The following TAFA2 variants were observed in gnomAD, a reference collection of about 807,000 sequenced individuals.
TAFA2 encodes TAFA chemokine like family member 2.
A neutral mutation model predicts 18.8 loss-of-function variants in TAFA2; 7 were observed. That is an observed-to-expected ratio of 0.37 (90% CI 0.21 to 0.70). TAFA2 has a LOEUF of 0.70. Ranked by LOEUF, TAFA2 falls within the 30% of genes least tolerant of loss-of-function variation. The probability of loss-of-function intolerance (pLI) is 0.53; values close to 1 mark genes in which losing one functional copy is unlikely to be tolerated. For synonymous variants in TAFA2, 60 were observed against 54.2 expected, an observed-to-expected ratio of 1.11 and a Z score of -0.47; for missense variants, 122 against 158.1, an observed-to-expected ratio of 0.77 and a Z score of 1.23.
chr12:61,722,330 C>A (rs968893564), intron 4 of TAFA2, among the ~76,000 whole-genome samples: 2 of 152,128 alleles, frequency 1.3e-5, no homozygotes, highest in African/African-American at 4.8e-5. Context: ...CTTATCACTG[C>A]TAATCCTGGC....
At position 62,084,107 on chromosome 12, in the gene TAFA2, A is replaced by C. The variant is rs12099873; in HGVS notation, c.-2+107152T>G. The stretch of plus-strand genomic sequence containing the variant: ...CCAACCTTTCATCAAAATCTGTAAT[A>C]GGTAAGCAAAGAGAAACAAAATCAT... On this transcript the variant is annotated intron_variant, in intron 1 of 4. Transcript: ENST00000416284. Among the ~76,000 whole-genome samples, 787 of 152,334 alleles carry C rather than the reference A, an allele frequency of 5.2e-3. 8 individuals are homozygous for C. Among genetic ancestry groups the C allele is most frequent in the African/African-American group, 0.016 (680 of 41,576 alleles).
intron 1 of TAFA2, among the ~76,000 whole-genome samples, chr12:62,024,344 T>C (rs536033119): frequency 6.6e-6 from 1 of 152,186 alleles, no homozygotes; most frequent in Admixed American, 6.5e-5. Context: ...GATAGAGATA[T>C]AGGTCCTATT....
At chr12:61,883,495 C>G (rs1465156135) in intron 1 of TAFA2, among the ~76,000 whole-genome samples, 2 of 152,158 alleles carry the variant, frequency 1.3e-5, no homozygotes, top group Non-Finnish European at 2.9e-5. Context: ...TGCAAGGCCC[C>G]ACAGTGGACA....
intron 4 of TAFA2, among the ~76,000 whole-genome samples, chr12:61,752,160 T>C (rs1024392961): frequency 6.6e-6 from 1 of 151,996 alleles, no homozygotes; most frequent in East Asian, 1.9e-4. Context: ...AAGGAGATAA[T>C]AACACTATCT....
At chr12:61,753,558 G>C in intron 4 of TAFA2, 64 bp downstream of exon 4, 1 of 1,482,500 alleles carries the variant, frequency 6.7e-7, no homozygotes, top group Non-Finnish European at 9.2e-7. Flanking sequence ...ATTGGTTACT[G>C]CACAAGCTCC....
chr12:61,748,583 C>T (rs1332343947), intron 4 of TAFA2, among the ~76,000 whole-genome samples: 1 of 152,046 alleles, frequency 6.6e-6, no homozygotes, highest in Non-Finnish European at 1.5e-5. Flanking sequence ...AATTAGCACC[C>T]CTGGACACTG....
At chr12:62,176,579 G>A (rs895276095) in intron 1 of TAFA2, among the ~76,000 whole-genome samples, 9 of 152,044 alleles carry the variant, frequency 5.9e-5, no homozygotes, top group Non-Finnish European at 1.2e-4. Flanking sequence ...ATAAATATTT[G>A]AGTACATAAC....
chr12:61,924,169 G>T (rs1268839814), intron 1 of TAFA2, among the ~76,000 whole-genome samples: 1 of 152,138 alleles, frequency 6.6e-6, no homozygotes, highest in Admixed American at 6.5e-5. Context: ...CGCACTTCAA[G>T]ATATTATCCA....
intron 2 of TAFA2, among the ~76,000 whole-genome samples, chr12:61,806,875 C>T (rs1262466234): frequency 1.3e-5 from 2 of 152,150 alleles, no homozygotes; most frequent in African/African-American, 4.8e-5. Flanking sequence ...GAAGAAAATG[C>T]TAAGCAGCAA....
chr12:62,210,498 T>C (rs888095610), intron 1 of TAFA2, among the ~76,000 whole-genome samples: 4 of 152,182 alleles, frequency 2.6e-5, no homozygotes, highest in Non-Finnish European at 5.9e-5. Flanking sequence ...TCAAATTCCT[T>C]ATGCGCTTTG....
chr12:62,164,002 T>C (rs2062423224), intron 1 of TAFA2, among the ~76,000 whole-genome samples: 1 of 152,120 alleles, frequency 6.6e-6, no homozygotes, highest in African/African-American at 2.4e-5. Flanking sequence ...TAATCATAGC[T>C]GAGATATAAT....
chr12:61,848,936 G>A (rs1473825900), intron 2 of TAFA2, among the ~76,000 whole-genome samples: 3 of 151,642 alleles, frequency 2.0e-5, no homozygotes, highest in Non-Finnish European at 4.4e-5. Context: ...CCACCTAGCA[G>A]GTTCAAGCAA....
intron 2 of TAFA2, 77 bp downstream of exon 2, chr12:61,867,243 G>A (rs1874392942): frequency 5.4e-6 from 5 of 929,470 alleles, no homozygotes; most frequent in East Asian, 2.4e-5. Context: ...ACAGACCAGT[G>A]GAGGCAAAAC....
At chr12:62,074,328 A>C (rs1882707320) in intron 1 of TAFA2, among the ~76,000 whole-genome samples, 2 of 152,198 alleles carry the variant, frequency 1.3e-5, no homozygotes, top group African/African-American at 4.8e-5. Flanking sequence ...TCAATACTTA[A>C]TTTTGCTTAA....
intron 1 of TAFA2, among the ~76,000 whole-genome samples, chr12:61,957,937 A>G (rs1325942704): frequency 6.6e-6 from 1 of 152,054 alleles, no homozygotes. Context: ...TAGGACATTG[A>G]TGAAAATGTG....
rs11174326 is a variant in TAFA2 at position 62,110,074 on chromosome 12, C to T, written c.-2+81185G>A. Among the ~76,000 whole-genome samples the T allele has an allele frequency of 1.2e-3, 176 of 152,082 alleles. 1 individual carries two copies. The highest frequency in any genetic ancestry group is 4.0e-3 in the African/African-American group (168 of 41,494). ...CATGTTTTCGTTTTCAAAGGTAATG[C>T]TCCAGCTTTTGCCCATTCAGTATGA... On this transcript the variant is annotated intron_variant, in intron 1 of 4. Transcript: ENST00000416284.
At chr12:62,043,691 T>C (rs1881831233) in intron 1 of TAFA2, among the ~76,000 whole-genome samples, 1 of 152,168 alleles carries the variant, frequency 6.6e-6, no homozygotes, top group Non-Finnish European at 1.5e-5. Context: ...TAAATTTTAC[T>C]TGGTGTTTTT....
intron 4 of TAFA2, among the ~76,000 whole-genome samples, chr12:61,745,428 T>C (rs1386314893): frequency 6.6e-6 from 1 of 151,956 alleles, no homozygotes; most frequent in African/African-American, 2.4e-5. Context: ...TCTCAGGTAC[T>C]TTCACTTCTT....
intron 1 of TAFA2, among the ~76,000 whole-genome samples, chr12:61,954,145 C>T (rs1166978230): frequency 6.6e-6 from 1 of 152,124 alleles, no homozygotes; most frequent in Non-Finnish European, 1.5e-5. Flanking sequence ...CCTTCCAAGT[C>T]TCTAGTGTTT....
Sources: gnomAD v4.1 joint callset for allele counts (sites outside exome capture counted in the v4.1 genomes callset) on GRCh38, gnomAD v4.1.1 for gene constraint, MANE v1.5 for transcripts, NCBI Gene and HGNC (gene_info 2026-07-23, HGNC 2026-07-21) for gene names.